BTBD17: variants seen among roughly 807,000 people sequenced by gnomAD.
BTBD17 encodes BTB/POZ domain-containing protein 17.
Under a neutral mutation model 36.9 loss-of-function variants are expected in BTBD17, and 26 were observed. The observed-to-expected ratio is 0.70, with a 90% CI of 0.52 to 0.98. The LOEUF (loss-of-function observed/expected upper bound fraction) is 0.98. Ranked by LOEUF, BTBD17 falls within the 50% of genes least tolerant of loss-of-function variation. The pLI is 0.00. For synonymous variants in BTBD17, 341 were observed against 338.0 expected (o/e 1.01, Z -0.10); for missense variants, 630 against 691.3 (o/e 0.91, Z 0.99).
rs55690660 is a variant in BTBD17, at chr17:74,356,547, G to A, written c.*110C>T. ...ACTCCACCCCAGCCCTAGGGTGGCC[G>A]GCGCCTGGCCATCCAGGGGACCAGG... On this transcript the variant is annotated 3_prime_UTR_variant, in exon 3 of 3. Transcript: ENST00000375366. The surrounding 1 kb of genome is among the most constrained non-coding windows in gnomAD (Gnocchi z 4.3). The A allele has an allele frequency of 0.27, 363,896 of 1,338,690 alleles. 51,410 individuals carry two copies. Among genetic ancestry groups the A allele is most frequent in the Middle Eastern group, 0.37 (1,878 of 5,104 alleles). The allele number at this position is 1,338,690 out of a possible 1,614,324, so 82.9% of individuals were successfully genotyped here. A position where few individuals can be genotyped will look rare whatever the true frequency, so the allele number is the denominator to read the frequency against.
intron 1 of BTBD17, among the ~76,000 whole-genome samples, chr17:74,360,593 C>T (rs1160870347): frequency 2.6e-5 from 4 of 152,156 alleles, no homozygotes; most frequent in Non-Finnish European, 4.4e-5. Context: ...TGAGGAAACT[C>T]GTGGTCCCAC....
Position 74,356,754 on chromosome 17 carries a change from A to C in BTBD17, c.1340T>G (p.Leu447Arg), listed in dbSNP as rs763053843. Residue 447 changes from leucine to arginine, a missense_variant, in exon 3 of 3, where the codon CTG becomes CGG. Physicochemically the swap from Leu to Arg is moderately radical, Grantham distance 102. Transcript: ENST00000375366. This position sits in a 1 kb window ranked among gnomAD's most constrained non-coding sequence, Gnocchi z 4.3. The stretch of plus-strand genomic sequence containing the variant: ...CAGGTACTCGGAGTTGCGCCGCTGC[A>C]GGTCGGCGTGCGCCAGGAAGTCGCC... The part of the protein sequence containing the change: ...EAGDFLAHAD[L>R]QRRNSEYLVE... The C allele has an allele frequency of 6.2e-7, 1 of 1,601,764 alleles. No individual in the cohort carries two copies. Among genetic ancestry groups the C allele is most frequent in the South Asian group, 1.1e-5 (1 of 88,614 alleles).
chr17:74,360,590 A>G (rs1323745085), intron 1 of BTBD17, among the ~76,000 whole-genome samples: 1 of 151,868 alleles, frequency 6.6e-6, no homozygotes, highest in African/African-American at 2.4e-5. Flanking sequence ...GGTTGAGGAA[A>G]CTCGTGGTCC....
intron 1 of BTBD17, 49 bp from the exon 2 acceptor site, chr17:74,360,294 GA>G (rs1406627529): frequency 6.5e-7 from 1 of 1,542,428 alleles, no homozygotes; most frequent in Admixed American, 1.9e-5. Flanking sequence ...CCCGGGCCCA[GA>G]ACCTCAGTCA....
Position 74,357,740 on chromosome 17 carries a change from G to A in BTBD17, c.363-9C>T. On this transcript the variant is annotated splice_polypyrimidine_tract_variant and intron_variant, in intron 2 of 2. Transcript: ENST00000375366. This position sits in a 1 kb window ranked among gnomAD's most constrained non-coding sequence, Gnocchi z 8.4. ...CCCCGCAGTACAGGTACCTGCGGGA[G>A]AGACCGAGAGGTGGGGCGGGGTCAG... is the stretch of plus-strand genomic sequence containing the variant. 6.6e-7 allele frequency: 1 copy of A among 1,524,074 alleles called. No individual in the cohort carries two copies. 94.4% of individuals were successfully genotyped at this position (1,524,074 alleles called of 1,614,324 possible).
chr17:74,357,948 G>A lies in BTBD17; in HGVS notation c.363-217C>T, dbSNP rs1402261708. Among the ~76,000 whole-genome samples the A allele has an allele frequency of 2.6e-5, 4 of 152,226 alleles. No homozygotes were observed. Among genetic ancestry groups the A allele is most frequent in the Non-Finnish European group, 5.9e-5 (4 of 68,040 alleles). ...AGGCTCTTCTTTCCGTTTCCGCGGTGATGTAGAAATTGCCTGCATTGACTG... is the reference window on the plus strand; with the variant it reads ...AGGCTCTTCTTTCCGTTTCCGCGGTAATGTAGAAATTGCCTGCATTGACTG... On this transcript the variant is annotated intron_variant, in intron 2 of 2. Coordinates refer to ENST00000375366, the MANE Select transcript of BTBD17 (RefSeq NM_001080466.2). The surrounding 1 kb of genome is among the most constrained non-coding windows in gnomAD (Gnocchi z 8.4).
At chr17:74,359,313 A>G (rs1394398621) in intron 2 of BTBD17, among the ~76,000 whole-genome samples, 2 of 152,166 alleles carry the variant, frequency 1.3e-5, no homozygotes, top group Non-Finnish European at 2.9e-5. Context: ...TAGACCTGAA[A>G]CTGACAATCC....
Position 74,357,662 on chromosome 17 carries a change from C to T in BTBD17, c.432G>A (p.Lys144=). 2 of 1,550,638 alleles carry T rather than the reference C, an allele frequency of 1.3e-6. No homozygotes were observed. Among genetic ancestry groups the T allele is most frequent in the Non-Finnish European group, 1.7e-6 (2 of 1,148,808 alleles). The part of the protein sequence containing the change: ...QAIPLHRLAT[K]YGVSSLQRGV... ...CGCGCTGCAGGGAGGACACGCCGTA[C>T]TTGGTGGCCAGTCTGTGCAGGGGGA... Residue 144 remains lysine (K), a synonymous_variant, in exon 3 of 3, where the codon AAG becomes AAA. Transcript: ENST00000375366. The surrounding 1 kb of genome is among the most constrained non-coding windows in gnomAD (Gnocchi z 8.4).
rs763713636 is a variant in BTBD17 at position 74,357,515 on chromosome 17, G to A, written c.579C>T (p.Ala193=). 1.2e-5 allele frequency: 19 copies of A among 1,564,358 alleles called. No individual in the cohort carries two copies. In the African/African-American group the frequency reaches 2.4e-4, roughly 20 times the overall value. ...TGGCCGCCACGGCCGACAGGTTCCA[G>A]GCCAGGAACTGCAGGCAGCTCTCGC... ...ALRESCLQFL[A]WNLSAVAAST... is the part of the protein sequence containing the mutation. The change falls in exon 3 of 3, where the codon GCC becomes GCT. Residue 193 remains alanine, a synonymous_variant. Coordinates refer to ENST00000375366, the MANE Select transcript of BTBD17 (RefSeq NM_001080466.2). The surrounding 1 kb of genome is among the most constrained non-coding windows in gnomAD (Gnocchi z 8.4).
chr17:74,362,938 G>T (rs2054949035), upstream of BTBD17, among the ~76,000 whole-genome samples: 1 of 149,782 alleles, frequency 6.7e-6, no homozygotes, highest in Non-Finnish European at 1.5e-5. Context: ...AGGAAAGTGA[G>T]TCTGGAGCTC....
In BTBD17 at chr17:74,357,043, C is replaced by T. The variant is rs2054898138; in HGVS notation, c.1051G>A (p.Gly351Ser). The change falls in exon 3 of 3, where the codon GGC (glycine) becomes AGC (serine). Residue 351 changes from glycine to serine, a missense_variant. Physicochemically the swap from Gly to Ser is moderately conservative, Grantham distance 56 (BLOSUM62 0). Transcript: ENST00000375366. This position sits in a 1 kb window ranked among gnomAD's most constrained non-coding sequence, Gnocchi z 8.4. Reference protein sequence around the residue: ...TQLGPSGHDAGRRVTWNVLFS... With the variant: ...TQLGPSGHDASRRVTWNVLFS... ...AGCACGTTCCAGGTGACCCGGCGGC[C>T]CGCGTCGTGGCCACTCGGGCCCAGC... 3.3e-6 allele frequency: 5 copies of T among 1,528,054 alleles called. No individual in the cohort carries two copies. In the East Asian group the frequency reaches 1.3e-4, roughly 40 times the overall value. 94.7% of individuals were successfully genotyped at this position (1,528,054 alleles called of 1,614,324 possible). A position where few individuals can be genotyped will look rare whatever the true frequency, so the allele number is the denominator to read the frequency against.
chr17:74,357,585 A>G lies in BTBD17; in HGVS notation c.509T>C (p.Val170Ala). The G allele has an allele frequency of 6.5e-7, 1 of 1,548,926 alleles. No homozygotes were observed. Among genetic ancestry groups the G allele is most frequent in the Non-Finnish European group, 8.7e-7 (1 of 1,153,586 alleles). ...AHLAGGAGPAVGWYHYAVGTG... is the reference protein window; with the variant it reads ...AHLAGGAGPAAGWYHYAVGTG... ...GCCCACCGCGTAGTGGTACCAGCCC[A>G]CCGCCGGGCCCGCGCCTCCCGCCAG... Residue 170 changes from valine (V) to alanine (A), a missense_variant, in exon 3 of 3, where the codon GTG (valine) becomes GCG (alanine). By Grantham distance (64) the Val-to-Ala change is moderately conservative. Coordinates refer to ENST00000375366, the MANE Select transcript of BTBD17 (RefSeq NM_001080466.2). This position sits in a 1 kb window ranked among gnomAD's most constrained non-coding sequence, Gnocchi z 8.4.
At position 74,360,009 on chromosome 17, in the gene BTBD17, C is replaced by A. The variant is rs1482134809; in HGVS notation, c.322G>T (p.Glu108Ter). The A allele has an allele frequency of 6.2e-7, 1 of 1,612,350 alleles. No homozygotes were observed. Among genetic ancestry groups the A allele is most frequent in the Non-Finnish European group, 8.5e-7 (1 of 1,179,930 alleles). ...AAGACAGCGGCGCAGTCCTGTGGCTCCTGCAGCACCGCCTCGCTCTGGTTA... is the reference window on the plus strand; with the variant it reads ...AAGACAGCGGCGCAGTCCTGTGGCTACTGCAGCACCGCCTCGCTCTGGTTA... ...LSNQSEAVLQ[E>*]PQDCAAVFDK... Residue 108 changes from glutamate to a stop codon, truncating the protein, a stop_gained, in exon 2 of 3, where the codon GAG becomes TAG. Transcript: ENST00000375366. LOFTEE classifies it high-confidence loss of function.
rs1011596677 is a variant in BTBD17, at chr17:74,357,787, T to G, written c.363-56A>C. 7.2e-7 allele frequency: 1 copy of G among 1,391,888 alleles called. No individual in the cohort carries two copies. Among genetic ancestry groups the G allele is most frequent in the Non-Finnish European group, 9.6e-7 (1 of 1,039,586 alleles). 86.2% of individuals were successfully genotyped at this position (1,391,888 alleles called of 1,614,324 possible). On this transcript the variant is annotated intron_variant, in intron 2 of 2. Coordinates refer to ENST00000375366, the MANE Select transcript of BTBD17 (RefSeq NM_001080466.2). The surrounding 1 kb of genome is among the most constrained non-coding windows in gnomAD (Gnocchi z 8.4). ...TCAGGGCGGTACCCACCTCCCAGGATAGATTTTTTAGAGTCCACAGGGGAC... is the reference window on the plus strand; with the variant it reads ...TCAGGGCGGTACCCACCTCCCAGGAGAGATTTTTTAGAGTCCACAGGGGAC...
In BTBD17 at chr17:74,357,078, A is replaced by AAGCT. The variant is rs1253331016; in HGVS notation, c.1012_1015dup (p.Phe339Ter). The AAGCT allele has an allele frequency of 1.3e-6, 2 of 1,533,282 alleles. No individual in the cohort carries two copies. The highest frequency in any genetic ancestry group is 4.1e-5 in the Admixed American group (2 of 48,932). The allele number at this position is 1,533,282 out of a possible 1,614,324, so 95.0% of individuals were successfully genotyped here. Reference sequence around the variant, plus strand: ...GCCACTCGGGCCCAGCTGCGTCTGGAAGCTGGTGCTGCGGTCGTCGCGGGC... The same window carrying AAGCT: ...GCCACTCGGGCCCAGCTGCGTCTGGAAGCTAGCTGGTGCTGCGGTCGTCGCGGGC... On this transcript the variant is annotated stop_gained and frameshift_variant, in exon 3 of 3. Coordinates refer to ENST00000375366, the MANE Select transcript of BTBD17 (RefSeq NM_001080466.2). LOFTEE classifies it high-confidence loss of function. This position sits in a 1 kb window ranked among gnomAD's most constrained non-coding sequence, Gnocchi z 8.4.
At chr17:74,361,555 T>C (rs907276633) in intron 1 of BTBD17, among the ~76,000 whole-genome samples, 180 bp downstream of exon 1, 3 of 152,170 alleles carry the variant, frequency 2.0e-5, no homozygotes, top group African/African-American at 7.2e-5. Context: ...TTAAGAGCCC[T>C]GCCCACCTGC....
Position 74,357,253 on chromosome 17 carries a change from CG to C in BTBD17, c.840del (p.Ala281ArgfsTer115). The C allele has an allele frequency of 1.3e-6, 2 of 1,564,200 alleles. No homozygotes were observed. Among genetic ancestry groups the C allele is most frequent in the Non-Finnish European group, 1.7e-6 (2 of 1,159,020 alleles). On this transcript the variant is annotated frameshift_variant, in exon 3 of 3. Coordinates refer to ENST00000375366, the MANE Select transcript of BTBD17 (RefSeq NM_001080466.2). LOFTEE classifies it high-confidence loss of function. The surrounding 1 kb of genome is among the most constrained non-coding windows in gnomAD (Gnocchi z 8.4). The stretch of plus-strand genomic sequence containing the variant: ...GCCTGCAGCAGGAGGTCGGCCACCG[CG>C]GGGCCGTGGCGCGCCAGGGCTGCCG... ...ARSAALARHG[P>X]AVADLLLQAY...
rs1326606501 is a variant in BTBD17, at chr17:74,357,931, C to T, written c.363-200G>A. On this transcript the variant is annotated intron_variant, in intron 2 of 2. Transcript: ENST00000375366. This position sits in a 1 kb window ranked among gnomAD's most constrained non-coding sequence, Gnocchi z 8.4. Reference sequence around the variant, plus strand: ...GGCCATTCTTACTTCACAGGCTCTTCTTTCCGTTTCCGCGGTGATGTAGAA... The same window carrying T: ...GGCCATTCTTACTTCACAGGCTCTTTTTTCCGTTTCCGCGGTGATGTAGAA... Among the ~76,000 whole-genome samples the T allele has an allele frequency of 6.6e-6, 1 of 152,232 alleles. No homozygotes were observed. The highest frequency in any genetic ancestry group is 1.5e-5 in the Non-Finnish European group (1 of 68,032).
rs1598406816 is a variant in BTBD17 at position 74,360,139 on chromosome 17, A to G, written c.192T>C (p.Asp64=). Residue 64 remains aspartate, a synonymous_variant, in exon 2 of 3, where the codon GAT becomes GAC. Transcript: ENST00000375366. ...QELLRQGNAS[D]VVLRVQAAGT... ...CCGCAGCCTGCACCCGCAGAACCAC[A>G]TCGCTGGCGTTGCCCTGCCGCAGCA... 6.2e-7 allele frequency: 1 copy of G among 1,612,874 alleles called. No individual in the cohort carries two copies. The highest frequency in any genetic ancestry group is 8.5e-7 in the Non-Finnish European group (1 of 1,179,910).
Sources: allele counts gnomAD v4.1 joint callset (sites outside exome capture counted in the v4.1 genomes callset), GRCh38; gene constraint gnomAD v4.1.1; non-coding constraint Gnocchi (gnomAD v3.1); transcripts MANE v1.5; gene names NCBI Gene and HGNC (gene_info 2026-07-23, HGNC 2026-07-21).